The following MCPH1 variants were observed in gnomAD, a reference collection of about 807,000 sequenced individuals.
The protein encoded by MCPH1 is microcephalin 1.
MCPH1 carries 104 observed loss-of-function variants against 84.5 expected under a neutral mutation model. The ratio of observed to expected loss-of-function variants is 1.23; its 90% CI spans 1.05 to 1.45. MCPH1 has a LOEUF of 1.45. Ranked by LOEUF, MCPH1 falls within the 40% of genes most tolerant of loss-of-function variation. The pLI, the probability that MCPH1 is intolerant of heterozygous loss-of-function variation, is 0.00. For synonymous variants in MCPH1, 514 were observed against 366.8 expected, an observed-to-expected ratio of 1.40 and a Z score of -4.58; for missense variants, 1,498 against 1,005.7, an observed-to-expected ratio of 1.49 and a Z score of -6.62.
intron 11 of MCPH1, among the ~76,000 whole-genome samples, chr8:6,490,672 A>C (rs1181185521): frequency 6.6e-6 from 1 of 152,228 alleles, no homozygotes; most frequent in African/African-American, 2.4e-5. Flanking sequence ...TTCTCCTAAA[A>C]TTAATTTCCA....
chr8:6,431,947 T>C (rs1801904269), intron 4 of MCPH1, among the ~76,000 whole-genome samples: 2 of 152,228 alleles, frequency 1.3e-5, no homozygotes, highest in South Asian at 2.1e-4. Context: ...AAAAGTCCGA[T>C]GGACCTACAT....
In MCPH1 at chr8:6,406,704, G is replaced by C. The variant is rs1416272438; in HGVS notation, c.22+15G>C. The C allele has an allele frequency of 1.2e-6, 2 of 1,611,962 alleles. No individual in the cohort carries two copies. Among genetic ancestry groups the C allele is most frequent in the Admixed American group, 1.7e-5 (1 of 59,946 alleles). ...CATCCTGAAAGGTGAGGTACTTCCT[G>C]CTGCCTGCTCCAGCAGCGGGAGTTT... On this transcript the variant is annotated intron_variant, in intron 1 of 13. Coordinates refer to ENST00000344683, the MANE Select transcript of MCPH1 (RefSeq NM_024596.5).
intron 11 of MCPH1, among the ~76,000 whole-genome samples, chr8:6,491,414 A>T (rs183444607): frequency 2.8e-5 from 4 of 144,880 alleles, no homozygotes; most frequent in African/African-American, 5.2e-5. Flanking sequence ...GATTATTATT[A>T]GGACAGAAGG....
At chr8:6,504,821 C>T (rs956044142) in intron 12 of MCPH1, among the ~76,000 whole-genome samples, 2 of 152,000 alleles carry the variant, frequency 1.3e-5, no homozygotes, top group Admixed American at 6.6e-5. Flanking sequence ...TATGTGTGAA[C>T]AGGAAAAAAT....
chr8:6,473,657 T>G (rs17077056), intron 9 of MCPH1, among the ~76,000 whole-genome samples: 1 of 152,092 alleles, frequency 6.6e-6, no homozygotes, highest in African/African-American at 2.4e-5. Context: ...AATGCTATAT[T>G]TGTTGTATTT....
chr8:6,439,004 C>G lies in MCPH1; in HGVS notation c.488C>G (p.Thr163Ser). The G allele has an allele frequency of 6.2e-7, 1 of 1,608,964 alleles. No homozygotes were observed. The highest frequency in any genetic ancestry group is 8.5e-7 in the Non-Finnish European group (1 of 1,175,652). ...GAATCTAATGGTTCATTAATATATA[C>G]TCCCACAATTGAAATTAATAGTAGG... ...LFESNGSLIY[T>S]PTIEINSRHH... Residue 163 changes from threonine to serine, a missense_variant, in exon 6 of 14, where the codon ACT becomes AGT. Transcript: ENST00000344683.
intron 2 of MCPH1, among the ~76,000 whole-genome samples, chr8:6,411,906 T>C (rs931230182): frequency 1.1e-4 from 16 of 152,230 alleles, no homozygotes; most frequent in African/African-American, 3.4e-4. Context: ...AGTTTAGTTA[T>C]GAACAAATCC....
chr8:6,588,783 T>G (rs140607464), intron 12 of MCPH1, among the ~76,000 whole-genome samples: 164 of 152,320 alleles, frequency 1.1e-3, no homozygotes, highest in Admixed American at 4.1e-3. Flanking sequence ...TCCTCTCTCC[T>G]CTCTGCCCAG....
chr8:6,446,810 C>CTAAAA (rs1357136107), intron 8 of MCPH1: 2 of 985,180 alleles, frequency 2.0e-6, no homozygotes, highest in Non-Finnish European at 1.2e-6. Flanking sequence ...GTGGCATGGC[C>CTAAAA]TAAAATCCCC....
intron 11 of MCPH1, 118 bp from the exon 12 acceptor site, chr8:6,499,734 A>G (rs1461283573): frequency 2.4e-6 from 2 of 819,090 alleles, no homozygotes; most frequent in East Asian, 2.4e-5. Flanking sequence ...CTGAGAACAC[A>G]TCTATTTCAG....
intron 13 of MCPH1, among the ~76,000 whole-genome samples, chr8:6,637,391 T>C (rs955206114): frequency 3.3e-5 from 5 of 152,154 alleles, no homozygotes; most frequent in African/African-American, 4.8e-5. Context: ...TGTAGGTCTA[T>C]TGGACTGGCC....
chr8:6,486,018 GC>G (rs1345130651), intron 11 of MCPH1, among the ~76,000 whole-genome samples: 3 of 152,090 alleles, frequency 2.0e-5, no homozygotes, highest in Non-Finnish European at 2.9e-5. Context: ...TTCTTGCATG[GC>G]CCCCCTCCTT....
intron 12 of MCPH1, among the ~76,000 whole-genome samples, chr8:6,595,110 G>A (rs1394660524): frequency 1.3e-5 from 2 of 152,098 alleles, no homozygotes; most frequent in East Asian, 1.9e-4. Flanking sequence ...TGGGAACCTC[G>A]CTCCCCTATC....
At position 6,435,665 on chromosome 8, in the gene MCPH1, T is replaced by C. The variant is rs929266111; in HGVS notation, c.322-383T>C. ...ATGCTCAAGTGACGTAACTTGCAAC[T>C]TCAGGGGCCGTGGCAATTAAACAGT... On this transcript the variant is annotated intron_variant, in intron 4 of 13. Coordinates refer to ENST00000344683, the MANE Select transcript of MCPH1 (RefSeq NM_024596.5). 2.6e-5 allele frequency among the ~76,000 whole-genome samples: 4 copies of C among 152,160 alleles called. No homozygotes were observed. The South Asian group carries it at 6.2e-4, about 24-fold the overall frequency.
chr8:6,501,200 T>C (rs1444277412), intron 12 of MCPH1: 2 of 152,210 alleles, frequency 1.3e-5, no homozygotes, highest in Non-Finnish European at 2.9e-5. Flanking sequence ...GAGTCCATCA[T>C]TGACTCCAAA....
At position 6,499,786 on chromosome 8, in the gene MCPH1, T is replaced by G. The variant is rs2916715; in HGVS notation, c.2137-66T>G. 160 of 1,432,018 alleles carry G rather than the reference T, an allele frequency of 1.1e-4. 2 individuals are homozygous for G. The highest frequency in any genetic ancestry group is 9.2e-4 in the South Asian group (80 of 87,338). The allele number at this position is 1,432,018 out of a possible 1,614,324, so 88.7% of individuals were successfully genotyped here. A position where few individuals can be genotyped will look rare whatever the true frequency, so the allele number is the denominator to read the frequency against. On this transcript the variant is annotated intron_variant, in intron 11 of 13. Coordinates refer to ENST00000344683, the MANE Select transcript of MCPH1 (RefSeq NM_024596.5). Reference sequence around the variant, plus strand: ...ACTTTTTGCTGTGTCTTCAAAGTGATTCTTGGTTTATTGCCTGCTAAGGCT... The same window carrying G: ...ACTTTTTGCTGTGTCTTCAAAGTGAGTCTTGGTTTATTGCCTGCTAAGGCT...
At chr8:6,537,669 G>T (rs1432892847) in intron 12 of MCPH1, among the ~76,000 whole-genome samples, 1 of 151,964 alleles carries the variant, frequency 6.6e-6, no homozygotes, top group South Asian at 2.1e-4. Flanking sequence ...AGGTCCATTT[G>T]TGAGGCAACT....
chr8:6,626,276 C>T (rs1424811351), intron 13 of MCPH1: 1 of 985,228 alleles, frequency 1.0e-6, no homozygotes, highest in Non-Finnish European at 1.2e-6. Context: ...TAAGCCACGC[C>T]TCACTCACTT....
chr8:6,456,372 C>T (rs546757318), intron 9 of MCPH1, among the ~76,000 whole-genome samples: 22 of 152,312 alleles, frequency 1.4e-4, no homozygotes, highest in African/African-American at 3.8e-4. Context: ...CTTCCTAGAA[C>T]GCTCGCAACA....
Sources: gnomAD v4.1 joint callset for allele counts (sites outside exome capture counted in the v4.1 genomes callset) on GRCh38, gnomAD v4.1.1 for gene constraint, MANE v1.5 for transcripts, NCBI Gene and HGNC (gene_info 2026-07-23, HGNC 2026-07-21) for gene names.